Variants in LSAMP observed in about 807,000 individuals in gnomAD.
LSAMP encodes the protein limbic system associated membrane protein.
LSAMP carries 7 observed loss-of-function variants against 38.6 expected under a neutral mutation model. The observed-to-expected ratio is 0.18, with a 90% CI of 0.10 to 0.34. The LOEUF is 0.34. Among genes scored for constraint, LSAMP ranks in the 10% least tolerant of loss-of-function variants. LSAMP has a pLI of 1.00. For synonymous variants in LSAMP, 154 were observed against 166.8 expected (o/e 0.92, Z 0.59); for missense variants, 313 against 420.0 (o/e 0.75, Z 2.23).
At chr3:116,087,792 A>C (rs1041342342) in intron 1 of LSAMP, among the ~76,000 whole-genome samples, 2 of 152,214 alleles carry the variant, frequency 1.3e-5, no homozygotes, top group Admixed American at 1.3e-4. Flanking sequence ...TCTTACAAGA[A>C]AGATAACAGC....
chr3:116,411,348 C>T (rs1396923421), intron 1 of LSAMP, among the ~76,000 whole-genome samples: 4 of 151,710 alleles, frequency 2.6e-5, no homozygotes, highest in Non-Finnish European at 4.4e-5. Flanking sequence ...GCGGCACTAT[C>T]CACAATAGCA....
chr3:116,038,021 T>C (rs1941086716), intron 2 of LSAMP, among the ~76,000 whole-genome samples: 1 of 152,090 alleles, frequency 6.6e-6, no homozygotes, highest in Admixed American at 6.6e-5. Context: ...GTGTGATCAA[T>C]GTCCTGAACA....
chr3:116,270,115 G>GT (rs1443277876), intron 1 of LSAMP, among the ~76,000 whole-genome samples: 1 of 152,022 alleles, frequency 6.6e-6, no homozygotes, highest in East Asian at 1.9e-4. Flanking sequence ...ATTTTCTTTG[G>GT]TTTTATTTTG....
intron 1 of LSAMP, among the ~76,000 whole-genome samples, chr3:116,204,055 A>G (rs12488578): frequency 0.36 from 54,316 of 150,888 alleles, 10,331 homozygotes; most frequent in African/African-American, 0.5. Context: ...CATCCTCTCC[A>G]CCACCTGTTG....
At chr3:116,407,006 A>T (rs746074438) in intron 1 of LSAMP, among the ~76,000 whole-genome samples, 1 of 152,100 alleles carries the variant, frequency 6.6e-6, no homozygotes, top group African/African-American at 2.4e-5. Context: ...TTCTCAAAGC[A>T]TCTGCTGCAA....
intron 1 of LSAMP, among the ~76,000 whole-genome samples, chr3:116,328,694 C>T (rs532230182): frequency 1.1e-4 from 17 of 152,128 alleles, no homozygotes; most frequent in Middle Eastern, 3.4e-3. Context: ...AAAGAAGGCC[C>T]ATCTGTACAC....
rs1445023845 is a variant in LSAMP at position 116,023,831 on chromosome 3, C to T, written c.389-4191G>A. Among the ~76,000 whole-genome samples, 10 of 152,162 alleles carry T rather than the reference C, an allele frequency of 6.6e-5. 1 individual carries two copies. Among genetic ancestry groups the T allele is most frequent in the Admixed American group, 6.5e-4 (10 of 15,270 alleles). ...CTGCTTATCTCTCCAGCCTCATTTCCTACTCCATTTGCATTGCATCATCTG... is the reference window on the plus strand; with the variant it reads ...CTGCTTATCTCTCCAGCCTCATTTCTTACTCCATTTGCATTGCATCATCTG... On this transcript the variant is annotated intron_variant, in intron 2 of 6. Coordinates refer to ENST00000490035, the MANE Select transcript of LSAMP (RefSeq NM_002338.5).
chr3:116,221,441 C>T (rs896398979), intron 1 of LSAMP, among the ~76,000 whole-genome samples: 6 of 152,122 alleles, frequency 3.9e-5, no homozygotes, highest in African/African-American at 9.7e-5. Context: ...GAACTAGCTA[C>T]GCTCTGAACT....
intron 1 of LSAMP, among the ~76,000 whole-genome samples, chr3:116,277,340 T>A (rs998917407): frequency 2.0e-5 from 3 of 151,940 alleles, no homozygotes; most frequent in Non-Finnish European, 2.9e-5. Context: ...TGTTCAACAT[T>A]CTTTGAATAT....
intron 1 of LSAMP, among the ~76,000 whole-genome samples, chr3:116,324,331 C>T (rs1285419952): frequency 6.6e-6 from 1 of 152,112 alleles, no homozygotes; most frequent in Non-Finnish European, 1.5e-5. Context: ...GAATGTAAAA[C>T]ACAATGTTAT....
intron 3 of LSAMP, among the ~76,000 whole-genome samples, chr3:115,925,733 G>C (rs141851874): frequency 2.5e-3 from 377 of 152,206 alleles, no homozygotes; most frequent in African/African-American, 8.7e-3. Context: ...AATTCTAAAA[G>C]TGGAATGCCA....
In LSAMP at chr3:116,184,836, A is replaced by C. The variant is rs138064716; in HGVS notation, c.156-98280T>G. Among the ~76,000 whole-genome samples, 5 of 151,432 alleles carry C rather than the reference A, an allele frequency of 3.3e-5. No homozygotes were observed. The East Asian group carries it at 9.7e-4, about 29-fold the overall frequency. On this transcript the variant is annotated intron_variant, in intron 1 of 6. Transcript: ENST00000490035. ...CCTTTTCTTTGTTTTTCTCTTTCTC[A>C]AAGATTTTATTTTTCTCTTTCCAAC... is the stretch of plus-strand genomic sequence containing the variant.
At chr3:116,046,360 C>T (rs1280129248) in intron 2 of LSAMP, among the ~76,000 whole-genome samples, 3 of 152,020 alleles carry the variant, frequency 2.0e-5, no homozygotes, top group Non-Finnish European at 2.9e-5. Context: ...ACTAGGGAAG[C>T]TGAGCCTGAG....
At chr3:116,355,489 A>C (rs367681875) in intron 1 of LSAMP, among the ~76,000 whole-genome samples, 1 of 152,220 alleles carries the variant, frequency 6.6e-6, no homozygotes, top group Non-Finnish European at 1.5e-5. Context: ...AAATTACTAA[A>C]GAAAACATTG....
intron 1 of LSAMP, among the ~76,000 whole-genome samples, chr3:116,274,911 T>C (rs2047026213): frequency 6.7e-6 from 1 of 148,346 alleles, no homozygotes; most frequent in South Asian, 2.1e-4. Flanking sequence ...ACATAAAAAG[T>C]ATATTTTTAT....
intron 2 of LSAMP, among the ~76,000 whole-genome samples, chr3:116,073,784 G>A (rs1343024234): frequency 2.0e-5 from 3 of 152,092 alleles, no homozygotes; most frequent in African/African-American, 7.2e-5. Flanking sequence ...TTATTAAAAT[G>A]TTTCATAAAA....
chr3:115,977,929 T>C (rs1356235391), intron 3 of LSAMP, among the ~76,000 whole-genome samples: 1 of 152,090 alleles, frequency 6.6e-6, no homozygotes, highest in Non-Finnish European at 1.5e-5. Flanking sequence ...ATTAAAAAAA[T>C]GGTAGATATT....
intron 2 of LSAMP, among the ~76,000 whole-genome samples, chr3:116,052,868 G>T (rs1022202762): frequency 1.3e-5 from 2 of 152,190 alleles, no homozygotes; most frequent in Admixed American, 1.3e-4. Flanking sequence ...CTCTAACCTG[G>T]TGCAGAGAAT....
intron 1 of LSAMP, among the ~76,000 whole-genome samples, chr3:116,242,817 C>T (rs1465415990): frequency 5.7e-5 from 5 of 87,250 alleles, no homozygotes; most frequent in Non-Finnish European, 3.0e-5. Flanking sequence ...AATACTTTCA[C>T]TCTTACCTGC....
Sources: gnomAD v4.1 joint callset for allele counts (sites outside exome capture counted in the v4.1 genomes callset) on GRCh38, gnomAD v4.1.1 for gene constraint, MANE v1.5 for transcripts, NCBI Gene and HGNC (gene_info 2026-07-23, HGNC 2026-07-21) for gene names.